The following MEOX2 variants were observed in gnomAD, a reference collection of about 807,000 sequenced individuals.
MEOX2 encodes homeobox protein MOX-2.
MEOX2 carries 11 observed loss-of-function variants against 27.0 expected under a neutral mutation model. The ratio of observed to expected loss-of-function variants is 0.41; its 90% CI spans 0.26 to 0.68. The LOEUF (loss-of-function observed/expected upper bound fraction) is 0.68. Among genes scored for constraint, MEOX2 ranks in the 30% least tolerant of loss-of-function variants. The probability of loss-of-function intolerance (pLI) is 0.33; values close to 1 mark genes in which losing one functional copy is unlikely to be tolerated. For missense variants in MEOX2, 436 were observed against 385.4 expected, an observed-to-expected ratio of 1.13 and a Z score of -1.10; for synonymous variants, 189 against 155.4, an observed-to-expected ratio of 1.22 and a Z score of -1.61.
intron 2 of MEOX2, among the ~76,000 whole-genome samples, chr7:15,615,053 C>T (rs1399988403): frequency 6.6e-6 from 1 of 151,916 alleles, no homozygotes; most frequent in Non-Finnish European, 1.5e-5. Flanking sequence ...AAAAATAGTA[C>T]AAAAAAGATT....
intron 1 of MEOX2, among the ~76,000 whole-genome samples, chr7:15,645,826 C>A (rs1444269528): frequency 2.0e-5 from 3 of 151,942 alleles, no homozygotes; most frequent in East Asian, 1.9e-4. Context: ...TATATATATA[C>A]CTTGTATTCT....
At chr7:15,617,010 C>A (rs1403492109) in intron 2 of MEOX2, among the ~76,000 whole-genome samples, 2 of 151,988 alleles carry the variant, frequency 1.3e-5, no homozygotes, top group African/African-American at 4.8e-5. Flanking sequence ...TATTACCAGA[C>A]AAAAGAAGTG....
chr7:15,676,915 T>A (rs1026634938), intron 1 of MEOX2, among the ~76,000 whole-genome samples: 2 of 151,870 alleles, frequency 1.3e-5, no homozygotes, highest in Non-Finnish European at 2.9e-5. Flanking sequence ...GCACTCTTCC[T>A]GAAAACAGCT....
chr7:15,669,917 T>TC (rs1343880164), intron 1 of MEOX2, among the ~76,000 whole-genome samples: 1 of 152,140 alleles, frequency 6.6e-6, no homozygotes, highest in Non-Finnish European at 1.5e-5. Flanking sequence ...TTTCATACTT[T>TC]CCCCCTGGAA....
In MEOX2 at chr7:15,614,140, T is replaced by G. The variant is rs1194903852; in HGVS notation, c.691-1529A>C. Among the ~76,000 whole-genome samples the G allele has an allele frequency of 1.3e-5, 2 of 151,618 alleles. 1 individual carries two copies. Among genetic ancestry groups the G allele is most frequent in the Admixed American group, 1.3e-4 (2 of 15,220 alleles). ...CAGTAAGATATTCTATTGTGTCTTC[T>G]TCTAAGAGTTTTAAAGGTTGCCTTT... On this transcript the variant is annotated intron_variant, in intron 2 of 2. Transcript: ENST00000262041.
At chr7:15,642,448 T>G (rs549573999) in intron 1 of MEOX2, among the ~76,000 whole-genome samples, 1 of 152,298 alleles carries the variant, frequency 6.6e-6, no homozygotes, top group Admixed American at 6.5e-5. Context: ...TTTAGTGCAT[T>G]TTTCATTTCC....
chr7:15,658,480 T>C (rs943099598), intron 1 of MEOX2, among the ~76,000 whole-genome samples: 1 of 152,208 alleles, frequency 6.6e-6, no homozygotes, highest in Non-Finnish European at 1.5e-5. Context: ...TTTGTGTGTA[T>C]ATATTGGTGT....
rs1034006679 is a variant in MEOX2, at chr7:15,617,474, G to A, written c.691-4863C>T. On this transcript the variant is annotated intron_variant, in intron 2 of 2. Coordinates refer to ENST00000262041, the MANE Select transcript of MEOX2 (RefSeq NM_005924.5). ...AAGTAGCTGAACTACAACTGATTTA[G>A]TAGTATTAGAATTAGAAGCAAGAAT... Among the ~76,000 whole-genome samples the A allele has an allele frequency of 2.6e-5, 4 of 151,984 alleles. No individual in the cohort carries two copies. In the South Asian group the frequency reaches 6.2e-4, roughly 24 times the overall value.
At chr7:15,635,898 A>G (rs1252366282) in intron 1 of MEOX2, among the ~76,000 whole-genome samples, 5 of 152,026 alleles carry the variant, frequency 3.3e-5, no homozygotes, top group Admixed American at 3.3e-4. Flanking sequence ...TAGTGGTATC[A>G]GTGTATGAAA....
intron 1 of MEOX2, among the ~76,000 whole-genome samples, chr7:15,669,506 A>G (rs1782063617): frequency 6.6e-6 from 1 of 152,202 alleles, no homozygotes; most frequent in Non-Finnish European, 1.5e-5. Context: ...ACAAATCACT[A>G]GCAGGTTAAT....
chr7:15,655,941 G>C (rs1282281763), intron 1 of MEOX2, among the ~76,000 whole-genome samples: 1 of 151,542 alleles, frequency 6.6e-6, no homozygotes, highest in African/African-American at 2.4e-5. Flanking sequence ...GATTGAGAGA[G>C]GGATATTAAA....
intron 1 of MEOX2, among the ~76,000 whole-genome samples, chr7:15,633,278 T>C (rs1231613098): frequency 6.6e-6 from 1 of 151,936 alleles, no homozygotes; most frequent in Non-Finnish European, 1.5e-5. Flanking sequence ...CTTCCACATG[T>C]GTCCCCCATT....
In MEOX2 at chr7:15,612,402, C is replaced by A. The variant is rs1305980870; in HGVS notation, c.900G>T (p.Glu300Asp). Residue 300 changes from glutamate to aspartate, a missense_variant, in exon 3 of 3, where the codon GAG (glutamate) becomes GAT (aspartate). Coordinates refer to ENST00000262041, the MANE Select transcript of MEOX2 (RefSeq NM_005924.5). ...TCTGTTTATATCATAAGTGCGCATG[C>A]TCTGAGCTGTGGTCACTGTCGTGAC... ...EDSHDSDHSS[E>D]HAHL The A allele has an allele frequency of 1.2e-6, 2 of 1,614,022 alleles. No homozygotes were observed. Among genetic ancestry groups the A allele is most frequent in the East Asian group, 2.2e-5 (1 of 44,882 alleles).
intron 1 of MEOX2, among the ~76,000 whole-genome samples, chr7:15,627,826 C>T (rs914730815): frequency 6.6e-6 from 1 of 151,550 alleles, no homozygotes; most frequent in Non-Finnish European, 1.5e-5. Flanking sequence ...CACACACACA[C>T]GTCAAGTAAA....
intron 1 of MEOX2, among the ~76,000 whole-genome samples, chr7:15,658,973 T>C (rs955350130): frequency 3.9e-5 from 6 of 152,286 alleles, no homozygotes; most frequent in African/African-American, 1.2e-4. Flanking sequence ...ATTCCTTATG[T>C]TCGTTTTACA....
At chr7:15,665,707 T>C (rs1781992604) in intron 1 of MEOX2, among the ~76,000 whole-genome samples, 1 of 152,170 alleles carries the variant, frequency 6.6e-6, no homozygotes, top group African/African-American at 2.4e-5. Flanking sequence ...ATTTGTAGTA[T>C]TCATTCAGAT....
At chr7:15,667,312 A>AAAAAAAAAC (rs770343771) in intron 1 of MEOX2, among the ~76,000 whole-genome samples, 1 of 146,326 alleles carries the variant, frequency 6.8e-6, no homozygotes, top group Non-Finnish European at 1.5e-5. Flanking sequence ...AAAAAAAAAA[A>AAAAAAAAAC]GTAGGAAATA....
intron 1 of MEOX2, among the ~76,000 whole-genome samples, chr7:15,684,508 A>G (rs1383263344): frequency 6.6e-6 from 1 of 152,194 alleles, no homozygotes; most frequent in Admixed American, 6.5e-5. Context: ...CTTGGAAAAT[A>G]AAAGTTAGCT....
chr7:15,672,229 T>G (rs1190680290), intron 1 of MEOX2, among the ~76,000 whole-genome samples: 1 of 152,248 alleles, frequency 6.6e-6, no homozygotes, highest in Non-Finnish European at 1.5e-5. Flanking sequence ...TTCCTTATGT[T>G]TCTCAGTTGT....
Sources: allele counts gnomAD v4.1 joint callset (sites outside exome capture counted in the v4.1 genomes callset), GRCh38; gene constraint gnomAD v4.1.1; transcripts MANE v1.5; gene names NCBI Gene and HGNC (gene_info 2026-07-23, HGNC 2026-07-21).